Variants in AGBL4 observed in about 807,000 individuals in gnomAD.
AGBL4 encodes AGBL carboxypeptidase 4.
A neutral mutation model predicts 66.4 loss-of-function variants in AGBL4; 58 were observed. That is an observed-to-expected ratio of 0.87 (90% CI 0.71 to 1.09). AGBL4 has a LOEUF of 1.09. Ranked by LOEUF, AGBL4 falls within the 50% of genes least tolerant of loss-of-function variation. AGBL4 has a pLI of 0.00. For synonymous variants in AGBL4, 234 were observed against 222.9 expected (o/e 1.05, Z -0.44); for missense variants, 579 against 631.0 (o/e 0.92, Z 0.88).
chr1:49,257,602 C>G (rs972998053), intron 3 of AGBL4: 1 of 152,958 alleles, frequency 6.5e-6, no homozygotes, highest in African/African-American at 2.4e-5. Flanking sequence ...AAGGGAACTC[C>G]CTGACCTCTT....
At chr1:48,588,682 T>TGTGTGTGTGA (rs1644862518) in intron 10 of AGBL4, among the ~76,000 whole-genome samples, 1 of 151,930 alleles carries the variant, frequency 6.6e-6, no homozygotes, top group Non-Finnish European at 1.5e-5. Flanking sequence ...TGTGTGTGTG[T>TGTGTGTGTGA]GTCTATTTTA....
chr1:49,090,317 T>C (rs1009252073), intron 4 of AGBL4, among the ~76,000 whole-genome samples: 8 of 152,166 alleles, frequency 5.3e-5, no homozygotes, highest in African/African-American at 1.9e-4. Flanking sequence ...GCAGACTATA[T>C]AATTCTATAC....
intron 5 of AGBL4, among the ~76,000 whole-genome samples, chr1:48,975,131 A>T (rs1659212816): frequency 6.6e-6 from 1 of 152,160 alleles, no homozygotes; most frequent in Non-Finnish European, 1.5e-5. Flanking sequence ...AATGAAATTT[A>T]AAAATGTCTA....
chr1:48,758,966 C>T, intron 6 of AGBL4: 1 of 1,606,270 alleles, frequency 6.2e-7, no homozygotes, highest in Middle Eastern at 1.7e-4. Flanking sequence ...TCCTTCATTT[C>T]AGACACAAGT....
intron 1 of AGBL4, among the ~76,000 whole-genome samples, chr1:49,935,290 C>A (rs577403524): frequency 6.6e-6 from 1 of 152,238 alleles, no homozygotes. Context: ...GAGGGGCGCC[C>A]GCCATTGCCC....
intron 5 of AGBL4, among the ~76,000 whole-genome samples, chr1:48,927,307 G>A (rs1036085181): frequency 3.3e-5 from 5 of 152,128 alleles, no homozygotes; most frequent in African/African-American, 1.2e-4. Flanking sequence ...CATCTTACAT[G>A]GCAGCAGGCA....
chr1:49,958,417 C>T (rs572635659), intron 1 of AGBL4, among the ~76,000 whole-genome samples: 132 of 151,902 alleles, frequency 8.7e-4, no homozygotes, highest in African/African-American at 3.1e-3. Flanking sequence ...CAGCACTATT[C>T]ACAATAGCAA....
chr1:49,818,379 T>G (rs970335959), intron 2 of AGBL4, among the ~76,000 whole-genome samples: 5 of 151,594 alleles, frequency 3.3e-5, no homozygotes, highest in East Asian at 1.9e-4. Context: ...TGTTTTTTTT[T>G]TTTTGAGATG....
intron 6 of AGBL4, among the ~76,000 whole-genome samples, chr1:48,860,163 T>A (rs1302063918): frequency 6.6e-6 from 1 of 152,170 alleles, no homozygotes; most frequent in African/African-American, 2.4e-5. Context: ...TCATATTGCC[T>A]CCCTTCTACT....
At chr1:49,351,375 G>C (rs1041179946) in intron 3 of AGBL4, among the ~76,000 whole-genome samples, 1 of 151,876 alleles carries the variant, frequency 6.6e-6, no homozygotes, top group African/African-American at 2.4e-5. Context: ...ACCTCTTTTA[G>C]AAATTCTAGG....
chr1:50,007,717 G>T (rs1159703493), intron 1 of AGBL4, among the ~76,000 whole-genome samples: 1 of 152,164 alleles, frequency 6.6e-6, no homozygotes, highest in East Asian at 1.9e-4. Context: ...AGTGAGACAT[G>T]ATCATGCCAC....
At chr1:49,841,389 C>T (rs1160858334) in intron 2 of AGBL4, among the ~76,000 whole-genome samples, 1 of 152,126 alleles carries the variant, frequency 6.6e-6, no homozygotes, top group Non-Finnish European at 1.5e-5. Context: ...TTGATTGGAA[C>T]AATCAGTATC....
chr1:49,207,890 T>C (rs1648369102), intron 4 of AGBL4, among the ~76,000 whole-genome samples: 1 of 151,972 alleles, frequency 6.6e-6, no homozygotes. Flanking sequence ...CTGCTCTTGA[T>C]TCTTTTAGCC....
intron 6 of AGBL4, among the ~76,000 whole-genome samples, chr1:48,843,143 C>G (rs531975617): frequency 6.6e-6 from 1 of 151,994 alleles, no homozygotes; most frequent in South Asian, 2.1e-4. Flanking sequence ...GAGCTGTACA[C>G]CTAAAAATGG....
At chr1:48,960,223 C>T (rs115583632) in intron 5 of AGBL4, among the ~76,000 whole-genome samples, 2,162 of 151,910 alleles carry the variant, frequency 0.014, 23 homozygotes, top group Non-Finnish European at 0.022. Context: ...GGTGGAAAGG[C>T]TATTGGAAAA....
intron 1 of AGBL4, among the ~76,000 whole-genome samples, chr1:49,980,410 C>T (rs1658962135): frequency 6.6e-6 from 1 of 152,058 alleles, no homozygotes; most frequent in Non-Finnish European, 1.5e-5. Context: ...AACTCTCTAC[C>T]CATCAAACAA....
intron 5 of AGBL4, among the ~76,000 whole-genome samples, chr1:48,971,456 C>T (rs958582890): frequency 2.4e-4 from 37 of 151,862 alleles, no homozygotes; most frequent in Non-Finnish European, 8.8e-5. Flanking sequence ...GATACATACA[C>T]ATGATGAAAT....
rs201060541 is a variant in AGBL4, at chr1:48,884,180, T to A, written c.595-16950A>T. 2.0e-5 allele frequency among the ~76,000 whole-genome samples: 3 copies of A among 152,252 alleles called. No homozygotes were observed. The East Asian group carries it at 5.8e-4, about 29-fold the overall frequency. On this transcript the variant is annotated intron_variant, in intron 5 of 13. Coordinates refer to ENST00000371839, the MANE Select transcript of AGBL4 (RefSeq NM_032785.4). Reference sequence around the variant, plus strand: ...TTTCAGGCACCTGTTATTGGTACTTTATGTATCTTAGCTCAAATCTGTAAG... The same window carrying A: ...TTTCAGGCACCTGTTATTGGTACTTAATGTATCTTAGCTCAAATCTGTAAG...
At chr1:48,642,877 C>T (rs913087713) in intron 8 of AGBL4, among the ~76,000 whole-genome samples, 7 of 152,194 alleles carry the variant, frequency 4.6e-5, no homozygotes, top group African/African-American at 1.7e-4. Context: ...CCTACCTGCA[C>T]CGAGCCTGAG....
Sources: allele counts gnomAD v4.1 joint callset (sites outside exome capture counted in the v4.1 genomes callset), GRCh38; gene constraint gnomAD v4.1.1; transcripts MANE v1.5; gene names NCBI Gene and HGNC (gene_info 2026-07-23, HGNC 2026-07-21).